CDH13: variants seen among roughly 807,000 people sequenced by gnomAD.
CDH13 encodes cadherin 13.
CDH13 carries 24 observed loss-of-function variants against 63.8 expected under a neutral mutation model. The ratio of observed to expected loss-of-function variants is 0.38; its 90% CI spans 0.27 to 0.53. The LOEUF is 0.53. CDH13 is among the 20% of genes least tolerant of loss of function. The probability of loss-of-function intolerance (pLI) is 0.85; values close to 1 mark genes in which losing one functional copy is unlikely to be tolerated. For missense variants in CDH13, 1,049 were observed against 903.1 expected (o/e 1.16, Z -2.07); for synonymous variants, 503 against 355.3 (o/e 1.42, Z -4.67).
At chr16:83,584,100 TGGGCGGATCACGA>T (rs1441259679) in intron 7 of CDH13, among the ~76,000 whole-genome samples, 1 of 152,070 alleles carries the variant, frequency 6.6e-6, no homozygotes, top group African/African-American at 2.4e-5. Flanking sequence ...GAGGCCAAGA[TGGGCGGATCACGA>T]GGTCAGGAGA....
At chr16:83,165,793 C>G (rs1053289808) in intron 4 of CDH13, among the ~76,000 whole-genome samples, 1 of 152,086 alleles carries the variant, frequency 6.6e-6, no homozygotes, top group Non-Finnish European at 1.5e-5. Context: ...GAAGGCAGAA[C>G]TAGCAAATGG....
At chr16:83,110,403 AT>A (rs1234512239) in intron 3 of CDH13, among the ~76,000 whole-genome samples, 1 of 152,202 alleles carries the variant, frequency 6.6e-6, no homozygotes, top group Non-Finnish European at 1.5e-5. Context: ...ACCAAGGAGG[AT>A]TTAACAAGGG....
chr16:83,006,327 C>T (rs547083261), intron 2 of CDH13, among the ~76,000 whole-genome samples: 4 of 152,318 alleles, frequency 2.6e-5, no homozygotes. Flanking sequence ...CAATTTTGAT[C>T]CGAGAGGCTT....
Position 82,945,827 on chromosome 16 carries a change from G to A in CDH13, c.158-86183G>A, listed in dbSNP as rs766094420. Among the ~76,000 whole-genome samples, 7 of 152,110 alleles carry A rather than the reference G, an allele frequency of 4.6e-5. No individual in the cohort carries two copies. The South Asian group carries it at 6.2e-4, about 14-fold the overall frequency. On this transcript the variant is annotated intron_variant, in intron 2 of 13. Coordinates refer to ENST00000567109, the MANE Select transcript of CDH13 (RefSeq NM_001257.5). ...TGATTTAGGCACATGGAGAGGCACCGTGTTAGAGAGTCAAGATAAAATACC... is the reference window on the plus strand; with the variant it reads ...TGATTTAGGCACATGGAGAGGCACCATGTTAGAGAGTCAAGATAAAATACC...
chr16:83,138,587 CAAAT>C (rs2036398802), intron 4 of CDH13, among the ~76,000 whole-genome samples: 1 of 152,044 alleles, frequency 6.6e-6, no homozygotes, highest in Non-Finnish European at 1.5e-5. Context: ...GAAATTGTCA[CAAAT>C]AAACTTGGAG....
chr16:83,142,434 G>A (rs1348780646), intron 4 of CDH13, among the ~76,000 whole-genome samples: 1 of 152,108 alleles, frequency 6.6e-6, no homozygotes, highest in African/African-American at 2.4e-5. Flanking sequence ...TAGATGACAG[G>A]TGTGAGCCAC....
chr16:82,685,887 T>C (rs1254595558), intron 1 of CDH13, among the ~76,000 whole-genome samples: 1 of 152,162 alleles, frequency 6.6e-6, no homozygotes, highest in Non-Finnish European at 1.5e-5. Context: ...TTTTGATACG[T>C]GGTTTTCAGG....
intron 1 of CDH13, among the ~76,000 whole-genome samples, chr16:82,707,814 G>C (rs1048252916): frequency 2.0e-5 from 3 of 152,190 alleles, no homozygotes; most frequent in Non-Finnish European, 1.5e-5. Context: ...TGGTATTCAA[G>C]GTTCTTTTGG....
intron 5 of CDH13, among the ~76,000 whole-genome samples, chr16:83,334,767 G>T (rs141686686): frequency 1.3e-5 from 2 of 152,006 alleles, no homozygotes; most frequent in African/African-American, 2.4e-5. Context: ...ATTGTAGACC[G>T]AAACTTCATG....
intron 1 of CDH13, among the ~76,000 whole-genome samples, chr16:82,697,423 CTTTTT>C (rs34376129): frequency 0.047 from 2,578 of 54,870 alleles, 38 homozygotes; most frequent in South Asian, 0.15. Flanking sequence ...TTTCTTTTTT[CTTTTT>C]TTTTTTTTTT....
chr16:82,720,307 C>A (rs1282580069), intron 1 of CDH13, among the ~76,000 whole-genome samples: 1 of 152,106 alleles, frequency 6.6e-6, no homozygotes, highest in Admixed American at 6.6e-5. Context: ...TTTCTTACTG[C>A]ATTGTTTTTT....
At chr16:83,426,036 C>T (rs1160155082) in intron 6 of CDH13, among the ~76,000 whole-genome samples, 1 of 152,174 alleles carries the variant, frequency 6.6e-6, no homozygotes, top group African/African-American at 2.4e-5. Flanking sequence ...GTGGTCCTTT[C>T]TCCTATCCTC....
chr16:83,065,710 A>T (rs2031951762), intron 3 of CDH13, among the ~76,000 whole-genome samples: 1 of 89,212 alleles, frequency 1.1e-5, no homozygotes, highest in African/African-American at 6.7e-5. Flanking sequence ...TCTCAAAAAA[A>T]AACAAAAAAA....
At chr16:83,017,162 A>C (rs149877088) in intron 2 of CDH13, among the ~76,000 whole-genome samples, 418 of 152,280 alleles carry the variant, frequency 2.7e-3, no homozygotes, top group African/African-American at 9.6e-3. Flanking sequence ...ATGGGTGCAT[A>C]AGGATTTGCC....
intron 4 of CDH13, among the ~76,000 whole-genome samples, chr16:83,150,134 C>G (rs957998505): frequency 1.3e-5 from 2 of 151,470 alleles, no homozygotes; most frequent in Non-Finnish European, 2.9e-5. Context: ...GTCAAGCCAC[C>G]AACTTCTCTT....
At position 82,882,251 on chromosome 16, in the gene CDH13, G is replaced by C. The variant is rs1035690776; in HGVS notation, c.157+23778G>C. ...TAATAAGCATTAATCTCCACTAGTAGAGTGTTACTAGGCAGGGTTCCTTCC... is the reference window on the plus strand; with the variant it reads ...TAATAAGCATTAATCTCCACTAGTACAGTGTTACTAGGCAGGGTTCCTTCC... On this transcript the variant is annotated intron_variant, in intron 2 of 13. Transcript: ENST00000567109. Among the ~76,000 whole-genome samples the C allele has an allele frequency of 4.6e-5, 7 of 152,156 alleles. 1 individual carries two copies. The highest frequency in any genetic ancestry group is 4.6e-4 in the Admixed American group (7 of 15,272).
intron 3 of CDH13, among the ~76,000 whole-genome samples, chr16:83,085,671 A>G (rs530518308): frequency 6.6e-6 from 1 of 152,364 alleles, no homozygotes; most frequent in African/African-American, 2.4e-5. Context: ...AACAAAATAC[A>G]AGCTCTACAG....
chr16:83,268,259 A>G (rs1160107460), intron 5 of CDH13, among the ~76,000 whole-genome samples: 5 of 152,168 alleles, frequency 3.3e-5, no homozygotes, highest in Non-Finnish European at 7.3e-5. Flanking sequence ...CCTTCACAAT[A>G]TGTAGGAGAG....
intron 3 of CDH13, among the ~76,000 whole-genome samples, chr16:83,099,090 A>G (rs1170172355): frequency 6.6e-6 from 1 of 152,160 alleles, no homozygotes; most frequent in African/African-American, 2.4e-5. Flanking sequence ...ACCCACACAC[A>G]CATACATAAA....
Sources: allele counts gnomAD v4.1 joint callset (sites outside exome capture counted in the v4.1 genomes callset), GRCh38; gene constraint gnomAD v4.1.1; transcripts MANE v1.5; gene names NCBI Gene and HGNC (gene_info 2026-07-23, HGNC 2026-07-21).